ANO10: variants seen among roughly 807,000 people sequenced by gnomAD.
ANO10 encodes the protein anoctamin 10.
ANO10 carries 77 observed loss-of-function variants against 74.7 expected under a neutral mutation model. That is an observed-to-expected ratio of 1.03 (90% confidence interval 0.86 to 1.25). The LOEUF (loss-of-function observed/expected upper bound fraction) is 1.25, where lower values mean the gene tolerates loss of function less well. ANO10 is among the 50% of genes most tolerant of loss of function. ANO10 has a pLI of 0.00. For missense variants in ANO10, 721 were observed against 778.1 expected, an observed-to-expected ratio of 0.93 and a Z score of 0.87; for synonymous variants, 279 against 284.9, an observed-to-expected ratio of 0.98 and a Z score of 0.21.
In ANO10 at chr3:43,445,433, G is replaced by A. The variant is rs144661297; in HGVS notation, c.1798-12706C>T. Among the ~76,000 whole-genome samples, 712 of 152,064 alleles carry A rather than the reference G, an allele frequency of 4.7e-3. 12 individuals carry two copies. Among genetic ancestry groups the A allele is most frequent in the East Asian group, 0.039 (199 of 5,168 alleles). ...TCAGTTCTAGCTTGTTAACTTTTCT[G>A]TAATCTAAAACTATCTTAAAATTAA... On this transcript the variant is annotated intron_variant, in intron 11 of 12. Transcript: ENST00000292246.
intron 12 of ANO10, among the ~76,000 whole-genome samples, chr3:43,420,245 A>G (rs1297868961): frequency 1.4e-4 from 22 of 152,190 alleles, no homozygotes; most frequent in Admixed American, 1.4e-3. Context: ...CAGGAGTTTG[A>G]GACCAGCCTG....
rs890815374 is a variant in ANO10 at position 43,576,708 on chromosome 3, C to T, written c.1146G>A (p.Glu382=). Residue 382 remains glutamate (E), a synonymous_variant, in exon 6 of 13, where the codon GAG becomes GAA. Coordinates refer to ENST00000292246, the MANE Select transcript of ANO10 (RefSeq NM_018075.5). ...IMNRLYRYAA[E]FLTSWENHRL... ...AAGTCTTACCCCATGAAGTTAAAAA[C>T]TCGGCAGCATATCGATAGAGACGAT... 5.0e-6 allele frequency: 8 copies of T among 1,614,166 alleles called. No individual in the cohort carries two copies. The highest frequency in any genetic ancestry group is 6.8e-6 in the Non-Finnish European group (8 of 1,180,040).
Position 43,683,511 on chromosome 3 carries a change from A to T in ANO10, c.-12+8006T>A, listed in dbSNP as rs567728905. ...TGAAAATGGCCATACTGCCCGAGGTAATTTATAGATTCAATGCCATCCCCA... is the reference window on the plus strand; with the variant it reads ...TGAAAATGGCCATACTGCCCGAGGTTATTTATAGATTCAATGCCATCCCCA... On this transcript the variant is annotated intron_variant, in intron 1 of 3. Transcript: ENST00000413397. Among the ~76,000 whole-genome samples, 742 of 152,344 alleles carry T rather than the reference A, an allele frequency of 4.9e-3. 8 individuals are homozygous for T. Among genetic ancestry groups the T allele is most frequent in the Middle Eastern group, 0.024 (7 of 294 alleles).
At chr3:43,498,260 C>A (rs902037736) in intron 11 of ANO10, among the ~76,000 whole-genome samples, 3 of 152,158 alleles carry the variant, frequency 2.0e-5, no homozygotes, top group Non-Finnish European at 4.4e-5. Context: ...GTTTTCCTGC[C>A]CACTTCTTGG....
At chr3:43,572,808 C>G (rs7637284) in intron 7 of ANO10, among the ~76,000 whole-genome samples, 3 of 152,204 alleles carry the variant, frequency 2.0e-5, no homozygotes, top group Admixed American at 6.5e-5. Context: ...TTAATTACTG[C>G]GGAGATGGGG....
intron 12 of ANO10, among the ~76,000 whole-genome samples, chr3:43,418,992 A>G (rs966843972): frequency 2.0e-5 from 3 of 152,234 alleles, no homozygotes; most frequent in Admixed American, 6.5e-5. Flanking sequence ...CCACGTGCCT[A>G]AAGTATTTAT....
At chr3:43,444,141 T>C (rs2093205557) in intron 11 of ANO10, among the ~76,000 whole-genome samples, 1 of 152,222 alleles carries the variant, frequency 6.6e-6, no homozygotes, top group Non-Finnish European at 1.5e-5. Context: ...AGGGACCTGC[T>C]AATCAAGAGG....
chr3:43,579,745 A>G (rs1009238697), intron 5 of ANO10, among the ~76,000 whole-genome samples: 4 of 152,126 alleles, frequency 2.6e-5, no homozygotes, highest in South Asian at 2.1e-4. Flanking sequence ...ACAAAAACAA[A>G]AAAACTTGTT....
At chr3:43,538,355 T>C (rs1236023191) in intron 11 of ANO10, among the ~76,000 whole-genome samples, 2 of 152,194 alleles carry the variant, frequency 1.3e-5, no homozygotes, top group African/African-American at 2.4e-5. Flanking sequence ...AAAACTGTAC[T>C]GAAATGATCT....
intron 3 of ANO10, among the ~76,000 whole-genome samples, chr3:43,599,287 G>C (rs1040557097): frequency 1.3e-5 from 2 of 152,148 alleles, no homozygotes; most frequent in Admixed American, 6.5e-5. Flanking sequence ...AGCCCTGGCA[G>C]GGATCAGTTT....
chr3:43,393,878 T>G (rs1235652548), intron 12 of ANO10, among the ~76,000 whole-genome samples: 1 of 151,878 alleles, frequency 6.6e-6, no homozygotes, highest in Non-Finnish European at 1.5e-5. Flanking sequence ...CATTTCCAGA[T>G]CTTGGCCTTT....
chr3:43,426,780 G>C (rs561639795), intron 12 of ANO10, among the ~76,000 whole-genome samples: 1 of 152,308 alleles, frequency 6.6e-6, no homozygotes, highest in South Asian at 2.1e-4. Flanking sequence ...TCTTTGTAAA[G>C]GTTTCAGCCA....
intron 11 of ANO10, among the ~76,000 whole-genome samples, chr3:43,493,193 G>A (rs775454173): frequency 2.2e-4 from 34 of 152,108 alleles, no homozygotes; most frequent in Non-Finnish European, 4.3e-4. Flanking sequence ...ACCAAACACC[G>A]TGTGTTCTCA....
At chr3:43,596,616 G>T (rs888550918) in intron 4 of ANO10, among the ~76,000 whole-genome samples, 3 of 152,138 alleles carry the variant, frequency 2.0e-5, no homozygotes, top group Admixed American at 6.5e-5. Flanking sequence ...ATTAATTCAA[G>T]ATGGATTAAA....
At chr3:43,603,657 C>T (rs1166719426) in intron 2 of ANO10, among the ~76,000 whole-genome samples, 1 of 152,104 alleles carries the variant, frequency 6.6e-6, no homozygotes, top group African/African-American at 2.4e-5. Flanking sequence ...ATTACATGTT[C>T]ACGTTTAAGA....
chr3:43,630,613 G>C (rs1348099536), intron 1 of ANO10, among the ~76,000 whole-genome samples: 1 of 152,152 alleles, frequency 6.6e-6, no homozygotes, highest in African/African-American at 2.4e-5. Flanking sequence ...CTGCTTTGGA[G>C]CCTTGGCAGT....
intron 12 of ANO10, among the ~76,000 whole-genome samples, chr3:43,382,515 T>C (rs1410028002): frequency 7.6e-6 from 1 of 132,360 alleles, no homozygotes. Flanking sequence ...CGAGACTCCG[T>C]CTCAAAAAAA....
intron 11 of ANO10, among the ~76,000 whole-genome samples, chr3:43,462,164 G>C (rs186718778): frequency 2.6e-5 from 4 of 152,278 alleles, no homozygotes; most frequent in African/African-American, 9.6e-5. Context: ...GTATTTGGTG[G>C]AAGAAATTTC....
Position 43,552,718 on chromosome 3 carries a change from ATATATATATATGTATGTATGTATG to A in ANO10, c.1668+2536_1668+2559del, listed in dbSNP as rs1262040121. ...TCTGGATATATATATATATATATAT[ATATATATATATGTATGTATGTATG>A]TATGTATGTATGTATGTATGTATGT... On this transcript the variant is annotated intron_variant, in intron 10 of 12. Coordinates refer to ENST00000292246, the MANE Select transcript of ANO10 (RefSeq NM_018075.5). Among the ~76,000 whole-genome samples, 98 of 133,112 alleles carry A rather than the reference ATATATATATATGTATGTATGTATG, an allele frequency of 7.4e-4. 1 individual carries two copies. Among genetic ancestry groups the A allele is most frequent in the African/African-American group, 3.0e-3 (94 of 31,850 alleles). The allele number at this position is 133,112 out of a possible 152,430, so 87.3% of individuals were successfully genotyped here.
Sources: gnomAD v4.1 joint callset for allele counts (sites outside exome capture counted in the v4.1 genomes callset) on GRCh38, gnomAD v4.1.1 for gene constraint, MANE v1.5 for transcripts, NCBI Gene and HGNC (gene_info 2026-07-23, HGNC 2026-07-21) for gene names.